Variants in LMBRD1 observed in about 807,000 individuals in gnomAD.
LMBRD1 encodes LMBR1 domain containing 1.
A neutral mutation model predicts 74.8 loss-of-function variants in LMBRD1; 64 were observed. The observed-to-expected ratio is 0.86, with a 90% CI of 0.70 to 1.05. The LOEUF is 1.05. Among genes scored for constraint, LMBRD1 ranks in the 50% least tolerant of loss-of-function variants. The pLI, the probability that LMBRD1 is intolerant of heterozygous loss-of-function variation, is 0.00. For missense variants in LMBRD1, 652 were observed against 645.9 expected (o/e 1.01, Z -0.10); for synonymous variants, 204 against 216.3 (o/e 0.94, Z 0.50).
In LMBRD1 at chr6:69,713,768, C is replaced by A; in HGVS notation, c.792G>T (p.Arg264Ser). 1 of 1,613,552 alleles carries A rather than the reference C, an allele frequency of 6.2e-7. No individual in the cohort carries two copies. Among genetic ancestry groups the A allele is most frequent in the Non-Finnish European group, 8.5e-7 (1 of 1,179,678 alleles). The change falls in exon 9 of 16, where the codon AGG becomes AGT. Residue 264 changes from arginine to serine, a missense_variant. This residue lies in a region of LMBRD1 where 598 missense variants were observed against 581.8 expected (regional missense o/e 1.03). Transcript: ENST00000649934. ...CAAATTGTTTTAAGGCGCGTTTATCCCTTGCTGGCAAAGGTCGACCATCTT... is the reference window on the plus strand; with the variant it reads ...CAAATTGTTTTAAGGCGCGTTTATCACTTGCTGGCAAAGGTCGACCATCTT... The part of the protein sequence containing the change: ...KSKDGRPLPA[R>S]DKRALKQFEE...
intron 9 of LMBRD1, among the ~76,000 whole-genome samples, chr6:69,712,775 A>G (rs1468577866): frequency 6.6e-6 from 1 of 152,146 alleles, no homozygotes; most frequent in East Asian, 1.9e-4. Flanking sequence ...CACAAGATGA[A>G]TAAGTTCCAG....
Position 69,676,213 on chromosome 6 carries a change from C to T in LMBRD1, c.1568G>A (p.Gly523Glu), listed in dbSNP as rs757918574. ...CCKGKKSVIE[G>E]VDEDSDISDD... ...ACTTATGTCTGAATCTTCATCTACTCCTTCAATAACCGATTTCTTCCCTTT... is the reference window on the plus strand; with the variant it reads ...ACTTATGTCTGAATCTTCATCTACTTCTTCAATAACCGATTTCTTCCCTTT... The change falls in exon 16 of 16, where the codon GGA (glycine) becomes GAA (glutamate). Residue 523 changes from glycine (G) to glutamate (E), a missense_variant. Gly to Glu is a moderately conservative substitution (Grantham distance 98). Coordinates refer to ENST00000649934, the MANE Select transcript of LMBRD1 (RefSeq NM_018368.4). The T allele has an allele frequency of 6.2e-7, 1 of 1,613,388 alleles. No individual in the cohort carries two copies. Among genetic ancestry groups the T allele is most frequent in the Non-Finnish European group, 8.5e-7 (1 of 1,179,642 alleles).
intron 6 of LMBRD1, 142 bp from the exon 7 acceptor site, chr6:69,738,157 T>TA: frequency 3.4e-6 from 2 of 585,492 alleles, no homozygotes; most frequent in South Asian, 4.9e-5. Flanking sequence ...CTTGAAGTGC[T>TA]AACTCCAAGT....
chr6:69,685,351 T>C (rs1306629863), intron 14 of LMBRD1, among the ~76,000 whole-genome samples: 1 of 152,170 alleles, frequency 6.6e-6, no homozygotes, highest in African/African-American at 2.4e-5. Context: ...ATAGTAGTAG[T>C]CCTTAAATCC....
At chr6:69,741,382 CTT>C (rs1231643024) in intron 6 of LMBRD1, among the ~76,000 whole-genome samples, 4 of 144,972 alleles carry the variant, frequency 2.8e-5, no homozygotes, top group African/African-American at 5.0e-5. Context: ...GGGTTAAGTT[CTT>C]TTTTTTTTTT....
chr6:69,742,142 T>C (rs1767119340), intron 5 of LMBRD1, among the ~76,000 whole-genome samples: 1 of 151,934 alleles, frequency 6.6e-6, no homozygotes, highest in Non-Finnish European at 1.5e-5. Context: ...ATAAAGCTGG[T>C]AAAAAACAAA....
At chr6:69,713,005 A>G (rs1766415572) in intron 9 of LMBRD1, among the ~76,000 whole-genome samples, 1 of 152,170 alleles carries the variant, frequency 6.6e-6, no homozygotes, top group Non-Finnish European at 1.5e-5. Context: ...TTAATTAACT[A>G]TGTGCAGTTT....
At chr6:69,719,950 T>G (rs1353295606) in intron 7 of LMBRD1, among the ~76,000 whole-genome samples, 1 of 152,228 alleles carries the variant, frequency 6.6e-6, no homozygotes, top group African/African-American at 2.4e-5. Flanking sequence ...TGCCACGTTT[T>G]AGGCATGACC....
chr6:69,741,306 CT>C (rs2149871092), intron 6 of LMBRD1, among the ~76,000 whole-genome samples: 1 of 151,830 alleles, frequency 6.6e-6, no homozygotes, highest in African/African-American at 2.4e-5. Flanking sequence ...AAAAGCAAGC[CT>C]TAAGAATGCA....
chr6:69,762,696 A>G (rs1360614795), intron 3 of LMBRD1, among the ~76,000 whole-genome samples: 1 of 152,114 alleles, frequency 6.6e-6, no homozygotes, highest in Non-Finnish European at 1.5e-5. Flanking sequence ...GGGGGTAATT[A>G]GGATTAAATG....
At chr6:69,685,231 G>A (rs1029516848) in intron 14 of LMBRD1, among the ~76,000 whole-genome samples, 5 of 152,116 alleles carry the variant, frequency 3.3e-5, no homozygotes, top group East Asian at 1.9e-4. Context: ...GGGGTAGGGC[G>A]AAGATTTTTT....
At chr6:69,740,196 C>T (rs1767070552) in intron 6 of LMBRD1, among the ~76,000 whole-genome samples, 1 of 151,974 alleles carries the variant, frequency 6.6e-6, no homozygotes. Context: ...GACGAAAGGA[C>T]TAAAAATTAA....
At position 69,676,089 on chromosome 6, in the gene LMBRD1, AGT is replaced by A; in HGVS notation, c.*67_*68del. 8.1e-7 allele frequency: 1 copy of A among 1,241,326 alleles called. No homozygotes were observed. Among genetic ancestry groups the A allele is most frequent in the Non-Finnish European group, 1.2e-6 (1 of 848,128 alleles). 76.9% of individuals were successfully genotyped at this position (1,241,326 alleles called of 1,614,324 possible). On this transcript the variant is annotated 3_prime_UTR_variant, in exon 16 of 16. Coordinates refer to ENST00000649934, the MANE Select transcript of LMBRD1 (RefSeq NM_018368.4). Reference sequence around the variant, plus strand: ...AAGCTAGTTAGCAAATCCTAATGTTAGTTTAATACTTTAAAAATGCATAACAG... The same window carrying A: ...AAGCTAGTTAGCAAATCCTAATGTTATTAATACTTTAAAAATGCATAACAG...
chr6:69,793,972 A>G (rs1452875536), intron 1 of LMBRD1, among the ~76,000 whole-genome samples: 1 of 152,112 alleles, frequency 6.6e-6, no homozygotes, highest in African/African-American at 2.4e-5. Flanking sequence ...CACCTGCCTC[A>G]GCCTCCCAAA....
At chr6:69,715,426 C>T (rs556915757) in intron 8 of LMBRD1, among the ~76,000 whole-genome samples, 73 of 152,018 alleles carry the variant, frequency 4.8e-4, no homozygotes, top group African/African-American at 1.5e-3. Context: ...ATTGACTAAA[C>T]GAATATAAGA....
intron 1 of LMBRD1, 105 bp downstream of exon 1, chr6:69,796,706 GGC>G (rs1766241099): frequency 2.9e-6 from 3 of 1,038,010 alleles, no homozygotes; most frequent in Middle Eastern, 2.1e-4. Context: ...CTAAAAGCGG[GGC>G]GGGGCGAAGA....
At chr6:69,774,978 G>C (rs1184815673) in intron 3 of LMBRD1, among the ~76,000 whole-genome samples, 1 of 51,296 alleles carries the variant, frequency 1.9e-5, no homozygotes, top group Non-Finnish European at 3.9e-5. Context: ...AGGAAGGAAG[G>C]AAGGAAGGAA....
chr6:69,779,944 T>C (rs2149892857), intron 3 of LMBRD1, among the ~76,000 whole-genome samples: 1 of 152,298 alleles, frequency 6.6e-6, no homozygotes, highest in Admixed American at 6.5e-5. Flanking sequence ...ACCTTTGATA[T>C]GCAAATGCAA....
chr6:69,701,618 T>C lies in LMBRD1; in HGVS notation c.981-73A>G, dbSNP rs1339358639. ...TCAGCAAATTTAGAAAAAATATAAT[T>C]TAAGCATGCAAATACACCTGAGTCA... On this transcript the variant is annotated intron_variant, in intron 10 of 15. Coordinates refer to ENST00000649934, the MANE Select transcript of LMBRD1 (RefSeq NM_018368.4). 21 of 941,800 alleles carry C rather than the reference T, an allele frequency of 2.2e-5. No individual in the cohort carries two copies. The Admixed American group carries it at 4.3e-4, about 19-fold the overall frequency. 58.3% of individuals were successfully genotyped at this position (941,800 alleles called of 1,614,324 possible).
Sources: gnomAD v4.1 joint callset for allele counts (sites outside exome capture counted in the v4.1 genomes callset) on GRCh38, gnomAD v4.1.1 for gene constraint, gnomAD v4.1.1 regional missense constraint, MANE v1.5 for transcripts, NCBI Gene and HGNC (gene_info 2026-07-23, HGNC 2026-07-21) for gene names.